Variants in MCOLN2 observed in about 807,000 individuals in gnomAD.
MCOLN2 encodes mucolipin TRP cation channel 2.
MCOLN2 carries 57 observed loss-of-function variants against 67.5 expected under a neutral mutation model. That is an observed-to-expected ratio of 0.84 (90% CI 0.68 to 1.05). The LOEUF is 1.05. MCOLN2 is among the 50% of genes least tolerant of loss of function. MCOLN2 has a pLI of 0.00. For missense variants in MCOLN2, 620 were observed against 678.8 expected (o/e 0.91, Z 0.96); for synonymous variants, 246 against 233.3 (o/e 1.05, Z -0.50).
intron 6 of MCOLN2, among the ~76,000 whole-genome samples, chr1:84,948,152 C>T (rs1462599506): frequency 1.3e-5 from 2 of 152,322 alleles, no homozygotes; most frequent in African/African-American, 4.8e-5. Flanking sequence ...GGCCTGACAA[C>T]CAGCTGGGCA....
At chr1:84,956,611 C>A in intron 3 of MCOLN2, 27 bp from the exon 4 acceptor site, 1 of 1,548,948 alleles carries the variant, frequency 6.5e-7, no homozygotes. Context: ...AAGTAAAAAC[C>A]ACATATGACC....
chr1:84,943,230 G>A (rs973676144), intron 7 of MCOLN2, among the ~76,000 whole-genome samples: 2 of 152,062 alleles, frequency 1.3e-5, no homozygotes, highest in African/African-American at 4.8e-5. Context: ...GTCATGGCCT[G>A]GTCTCTAACT....
intron 11 of MCOLN2, among the ~76,000 whole-genome samples, chr1:84,934,552 C>T (rs541484842): frequency 2.0e-5 from 3 of 148,932 alleles, no homozygotes; most frequent in South Asian, 2.2e-4. Context: ...AACCAGAGGG[C>T]TTGGAAGGAG....
chr1:84,964,139 T>C (rs1649247797), intron 2 of MCOLN2, among the ~76,000 whole-genome samples: 1 of 152,196 alleles, frequency 6.6e-6, no homozygotes, highest in South Asian at 2.1e-4. Flanking sequence ...CATTTAACAA[T>C]GTCTCTGCAT....
Position 84,939,858 on chromosome 1 carries a change from T to A in MCOLN2, c.961-156A>T, listed in dbSNP as rs372745768. ...CGAAAGTGGAGGTTACGGCACACAC[T>A]TTCCCCTATAATCTGAGTAAGCATT... On this transcript the variant is annotated intron_variant, in intron 8 of 13. Coordinates refer to ENST00000370608, the MANE Select transcript of MCOLN2 (RefSeq NM_153259.4). Among the ~76,000 whole-genome samples, 62 of 152,324 alleles carry A rather than the reference T, an allele frequency of 4.1e-4. 2 individuals are homozygous for A. The highest frequency in any genetic ancestry group is 1.4e-3 in the African/African-American group (60 of 41,578).
Position 84,952,253 on chromosome 1 carries a change from A to G in MCOLN2, c.737T>C (p.Phe246Ser), listed in dbSNP as rs1351287089. The change falls in exon 6 of 14, where the codon TTT becomes TCT. Residue 246 changes from phenylalanine (F) to serine (S), a missense_variant. Coordinates refer to ENST00000370608, the MANE Select transcript of MCOLN2 (RefSeq NM_153259.4). ...AACAAAGATACTTGCCGTATTCTGA[A>G]AGACATAACAGTCTGGTAACTCACG... ...HSRELPDCYV[F>S]QNTIIFDNKA... The G allele has an allele frequency of 1.9e-6, 3 of 1,605,922 alleles. No individual in the cohort carries two copies. Among genetic ancestry groups the G allele is most frequent in the African/African-American group, 1.3e-5 (1 of 74,444 alleles).
intron 9 of MCOLN2, 45 bp from the exon 10 acceptor site, chr1:84,938,127 G>T: frequency 5.7e-6 from 8 of 1,401,438 alleles, no homozygotes; most frequent in Non-Finnish European, 8.0e-6. Flanking sequence ...TAAAATATTT[G>T]ACTCCACTTA....
chr1:84,937,665 G>C, intron 11 of MCOLN2, 90 bp downstream of exon 11: 1 of 1,560,210 alleles, frequency 6.4e-7, no homozygotes, highest in Non-Finnish European at 8.7e-7. Flanking sequence ...GTACATGCTA[G>C]AGAAGACCAG....
At chr1:84,993,636 T>G (rs79284500) in intron 1 of MCOLN2, among the ~76,000 whole-genome samples, 2 of 148,280 alleles carry the variant, frequency 1.3e-5, no homozygotes, top group Non-Finnish European at 3.0e-5. Flanking sequence ...TTTTTTTTTT[T>G]TTTTTGAGAC....
intron 2 of MCOLN2, among the ~76,000 whole-genome samples, chr1:84,960,899 G>A (rs1649053986): frequency 6.6e-6 from 1 of 151,716 alleles, no homozygotes; most frequent in African/African-American, 2.4e-5. Flanking sequence ...AACACTGCAT[G>A]GTACGGAATA....
rs75835117 is a variant in MCOLN2, at chr1:84,982,917, T to A, written c.77+13879A>T. 8.9e-4 allele frequency among the ~76,000 whole-genome samples: 136 copies of A among 152,238 alleles called. 2 individuals carry two copies. In the East Asian group the frequency reaches 0.022, roughly 24 times the overall value. On this transcript the variant is annotated intron_variant, in intron 1 of 13. Transcript: ENST00000370608. ...ATTTTTAGTAGTGACAGGGTTTCAC[T>A]GCGTTGGCCAGGCTGGTCTCGAACT...
At chr1:84,939,148 G>A (rs1647602507) in intron 9 of MCOLN2, among the ~76,000 whole-genome samples, 1 of 152,100 alleles carries the variant, frequency 6.6e-6, no homozygotes, top group African/African-American at 2.4e-5. Flanking sequence ...TATACAAAGG[G>A]TCAGGCTTTA....
chr1:84,927,558 T>C (rs891928433), intron 13 of MCOLN2, among the ~76,000 whole-genome samples: 1 of 152,164 alleles, frequency 6.6e-6, no homozygotes, highest in Admixed American at 6.5e-5. Context: ...AGAGGCTCTG[T>C]CAAAAACTCA....
intron 2 of MCOLN2, among the ~76,000 whole-genome samples, chr1:84,961,841 G>C (rs749005737): frequency 1.3e-5 from 2 of 152,142 alleles, no homozygotes; most frequent in African/African-American, 2.4e-5. Flanking sequence ...AAAATATTCT[G>C]TACCAGGTAA....
chr1:84,928,551 C>T (rs1286160748), intron 13 of MCOLN2, among the ~76,000 whole-genome samples: 1 of 152,178 alleles, frequency 6.6e-6, no homozygotes, highest in African/African-American at 2.4e-5. Flanking sequence ...TGAAGTTTAT[C>T]CCCCTTATAG....
chr1:84,982,077 T>A (rs1557662053), intron 1 of MCOLN2, among the ~76,000 whole-genome samples: 1 of 151,126 alleles, frequency 6.6e-6, no homozygotes, highest in Non-Finnish European at 1.5e-5. Flanking sequence ...GCCATGGGTT[T>A]TTTTTTTTTT....
At chr1:84,946,131 G>C (rs150081399) in intron 7 of MCOLN2, among the ~76,000 whole-genome samples, 22 of 152,314 alleles carry the variant, frequency 1.4e-4, no homozygotes, top group African/African-American at 5.3e-4. Context: ...AGCGGTTGCT[G>C]TCTGGGCTCT....
rs375250570 is a variant in MCOLN2, at chr1:84,959,591, CCTCT to C, written c.238-893_238-890del. Among the ~76,000 whole-genome samples the C allele has an allele frequency of 1.6e-3, 251 of 152,254 alleles. 1 individual carries two copies. Among genetic ancestry groups the C allele is most frequent in the African/African-American group, 5.6e-3 (234 of 41,558 alleles). On this transcript the variant is annotated intron_variant, in intron 2 of 13. Coordinates refer to ENST00000370608, the MANE Select transcript of MCOLN2 (RefSeq NM_153259.4). ...CACATTCACACTCTCTCACGTGCGT[CCTCT>C]CTGTCTCTCTCACATACATACACAG...
chr1:84,958,038 G>A (rs1570991590), intron 3 of MCOLN2, among the ~76,000 whole-genome samples: 1 of 152,088 alleles, frequency 6.6e-6, no homozygotes, highest in Non-Finnish European at 1.5e-5. Flanking sequence ...GGTTATTAAT[G>A]CTAAAACATC....
Sources: gnomAD v4.1 joint callset for allele counts (sites outside exome capture counted in the v4.1 genomes callset) on GRCh38, gnomAD v4.1.1 for gene constraint, MANE v1.5 for transcripts, NCBI Gene and HGNC (gene_info 2026-07-23, HGNC 2026-07-21) for gene names.